Variants in EPHA3 observed in about 807,000 individuals in gnomAD.
The protein encoded by EPHA3 is ephrin type-A receptor 3.
EPHA3 carries 42 observed loss-of-function variants against 107.1 expected under a neutral mutation model. The ratio of observed to expected loss-of-function variants is 0.39; its 90% confidence interval spans 0.31 to 0.51. The LOEUF (loss-of-function observed/expected upper bound fraction) is 0.51. Among genes scored for constraint, EPHA3 ranks in the 20% least tolerant of loss-of-function variants. EPHA3 has a pLI of 0.78. For synonymous variants in EPHA3, 461 were observed against 424.8 expected (o/e 1.09, Z -1.05); for missense variants, 1,183 against 1,211.2 (o/e 0.98, Z 0.35).
At chr3:89,112,257 A>AT (rs1270920980) in intron 1 of EPHA3, among the ~76,000 whole-genome samples, 1 of 152,072 alleles carries the variant, frequency 6.6e-6, no homozygotes, top group African/African-American at 2.4e-5. Context: ...TATTTTTAAC[A>AT]TTTTTTAGTA....
intron 2 of EPHA3, among the ~76,000 whole-genome samples, chr3:89,160,546 TTTTGTGTGTGTGTGTG>T (rs1353788782): frequency 9.9e-5 from 9 of 90,900 alleles, no homozygotes; most frequent in South Asian, 6.3e-4. Context: ...TAATATTAGA[TTTTGTGTGTGTGTGTG>T]TGTGTGTGTG....
intron 3 of EPHA3, among the ~76,000 whole-genome samples, chr3:89,314,041 AC>A (rs1349493426): frequency 6.6e-6 from 1 of 151,928 alleles, no homozygotes; most frequent in Non-Finnish European, 1.5e-5. Context: ...GTTGTGTAAT[AC>A]TTTTCATTTG....
intron 2 of EPHA3, among the ~76,000 whole-genome samples, chr3:89,154,127 T>C (rs13077331): frequency 0.94 from 142,891 of 151,966 alleles, 67,175 homozygotes; most frequent in Admixed American, 0.96. Context: ...GCATTTACTG[T>C]TTTTATTTTC....
At chr3:89,443,054 T>C (rs1709813971) in intron 13 of EPHA3, among the ~76,000 whole-genome samples, 1 of 152,222 alleles carries the variant, frequency 6.6e-6, no homozygotes. Flanking sequence ...TCAGATATTT[T>C]AGTCAGTATA....
intron 3 of EPHA3, among the ~76,000 whole-genome samples, chr3:89,235,273 G>C (rs1576253159): frequency 6.6e-6 from 1 of 151,830 alleles, no homozygotes; most frequent in African/African-American, 2.4e-5. Context: ...TAGATTTGTA[G>C]ATTTTAAAAA....
At chr3:89,233,070 T>C (rs1378666348) in intron 3 of EPHA3, among the ~76,000 whole-genome samples, 8 of 152,140 alleles carry the variant, frequency 5.3e-5, no homozygotes, top group Non-Finnish European at 1.0e-4. Context: ...AGAGATCTCA[T>C]GTCTAAATAC....
chr3:89,365,910 A>T (rs1258139915), intron 5 of EPHA3, among the ~76,000 whole-genome samples: 1 of 150,706 alleles, frequency 6.6e-6, no homozygotes, highest in East Asian at 1.9e-4. Flanking sequence ...CTTGTGTATG[A>T]TATAGATGGT....
intron 4 of EPHA3, 150 bp downstream of exon 4, chr3:89,341,221 T>C (rs917895967): frequency 1.3e-6 from 1 of 784,666 alleles, no homozygotes; most frequent in Non-Finnish European, 2.0e-6. Context: ...CTCCCCATGC[T>C]TGGCTCACCA....
At chr3:89,221,014 C>T (rs1704359788) in intron 3 of EPHA3, among the ~76,000 whole-genome samples, 1 of 152,084 alleles carries the variant, frequency 6.6e-6, no homozygotes, top group Non-Finnish European at 1.5e-5. Context: ...AGGCAATTGT[C>T]CAAGGTCACA....
intron 1 of EPHA3, among the ~76,000 whole-genome samples, chr3:89,125,725 C>T (rs889318277): frequency 1.2e-4 from 18 of 151,572 alleles, no homozygotes; most frequent in African/African-American, 3.9e-4. Context: ...ACTAGCAAAA[C>T]GTAAAGAATC....
chr3:89,361,620 A>G lies in EPHA3; in HGVS notation c.1306+19530A>G, dbSNP rs768533370. Among the ~76,000 whole-genome samples, 73 of 151,306 alleles carry G rather than the reference A, an allele frequency of 4.8e-4. 3 individuals carry two copies. Among genetic ancestry groups the G allele is most frequent in the Middle Eastern group, 7.0e-3 (2 of 284 alleles). On this transcript the variant is annotated intron_variant, in intron 5 of 16. Coordinates refer to ENST00000336596, the MANE Select transcript of EPHA3 (RefSeq NM_005233.6). ...AATGTTTCACAGTTTAGTCTAGGGA[A>G]TACTGAAAGGTTGCTTTTACTTAAT...
intron 3 of EPHA3, among the ~76,000 whole-genome samples, chr3:89,291,257 A>G (rs1248744012): frequency 6.6e-6 from 1 of 152,142 alleles, no homozygotes; most frequent in Non-Finnish European, 1.5e-5. Context: ...CATGCAGTTT[A>G]TTGGATTTTA....
chr3:89,457,027 T>C (rs775778091), intron 15 of EPHA3, among the ~76,000 whole-genome samples: 12 of 152,064 alleles, frequency 7.9e-5, no homozygotes, highest in Non-Finnish European at 1.5e-4. Context: ...ATAAAAGGAG[T>C]TCGGGAATCC....
At chr3:89,427,473 T>G (rs1162581954) in intron 11 of EPHA3, among the ~76,000 whole-genome samples, 1 of 151,920 alleles carries the variant, frequency 6.6e-6, no homozygotes, top group Non-Finnish European at 1.5e-5. Context: ...CATTAATGTT[T>G]GTTTAACATC....
intron 3 of EPHA3, among the ~76,000 whole-genome samples, chr3:89,267,130 A>G (rs1705556480): frequency 6.6e-6 from 1 of 152,132 alleles, no homozygotes; most frequent in Non-Finnish European, 1.5e-5. Context: ...CAGAGCTAGA[A>G]AGGAAATAGG....
At chr3:89,322,743 C>T (rs1311435183) in intron 3 of EPHA3, among the ~76,000 whole-genome samples, 1 of 152,062 alleles carries the variant, frequency 6.6e-6, no homozygotes, top group African/African-American at 2.4e-5. Context: ...TGAGGAGATC[C>T]ATTCAGCTTT....
intron 3 of EPHA3, among the ~76,000 whole-genome samples, chr3:89,317,357 G>A (rs1489547236): frequency 6.6e-6 from 1 of 151,776 alleles, no homozygotes; most frequent in Non-Finnish European, 1.5e-5. Context: ...GAAAATTTCA[G>A]ATCTGGATGT....
chr3:89,302,211 T>C (rs1477592890), intron 3 of EPHA3, among the ~76,000 whole-genome samples: 3 of 152,168 alleles, frequency 2.0e-5, no homozygotes, highest in Non-Finnish European at 2.9e-5. Context: ...ACCTCCTTCA[T>C]ATTCTAAAGG....
chr3:89,378,130 G>C (rs151077401), intron 5 of EPHA3, among the ~76,000 whole-genome samples: 2,402 of 152,158 alleles, frequency 0.016, 64 homozygotes, highest in African/African-American at 0.055. Context: ...GGGACTAGGG[G>C]AGGGATAGTA....
Sources: allele counts gnomAD v4.1 joint callset (sites outside exome capture counted in the v4.1 genomes callset), GRCh38; gene constraint gnomAD v4.1.1; transcripts MANE v1.5; gene names NCBI Gene and HGNC (gene_info 2026-07-23, HGNC 2026-07-21).